The following FXR1 variants were observed in gnomAD, a reference collection of about 807,000 sequenced individuals.
FXR1 encodes the protein RNA-binding protein FXR1.
Under a neutral mutation model 84.0 loss-of-function variants are expected in FXR1, and 15 were observed. The observed-to-expected ratio is 0.18, with a 90% CI of 0.12 to 0.27. The LOEUF is 0.27. Ranked by LOEUF, FXR1 falls within the 10% of genes least tolerant of loss-of-function variation. The pLI is 1.00. For missense variants in FXR1, 480 were observed against 774.4 expected, an observed-to-expected ratio of 0.62 and a Z score of 4.51; for synonymous variants, 245 against 250.7, an observed-to-expected ratio of 0.98 and a Z score of 0.21.
chr3:180,975,651 C>CCT (rs1714147434), intron 16 of FXR1, among the ~76,000 whole-genome samples: 1 of 152,128 alleles, frequency 6.6e-6, no homozygotes, highest in Non-Finnish European at 1.5e-5. Context: ...AGATACTGGG[C>CCT]ATAGAGACTA....
intron 9 of FXR1, among the ~76,000 whole-genome samples, chr3:180,954,974 T>C (rs1383637643): frequency 6.6e-6 from 1 of 150,596 alleles, no homozygotes; most frequent in African/African-American, 2.4e-5. Flanking sequence ...TGTTAGTATT[T>C]ATGTAAAAAT....
chr3:180,918,602 T>A (rs1718179175), intron 1 of FXR1, among the ~76,000 whole-genome samples: 1 of 152,254 alleles, frequency 6.6e-6, no homozygotes, highest in Non-Finnish European at 1.5e-5. Flanking sequence ...CAATATGCAT[T>A]CATTCCATGA....
chr3:180,926,237 T>G (rs145628805), intron 1 of FXR1, among the ~76,000 whole-genome samples: 2 of 152,206 alleles, frequency 1.3e-5, no homozygotes, highest in Non-Finnish European at 2.9e-5. Context: ...AACAGTAGTC[T>G]TAAAGCTGGA....
At chr3:180,961,360 AAAAAAAAGGT>A in intron 10 of FXR1, 98 bp from the exon 11 acceptor site, 1 of 423,214 alleles carries the variant, frequency 2.4e-6, no homozygotes, top group Non-Finnish European at 4.0e-6. Context: ...AAAAAAAAAA[AAAAAAAAGGT>A]GTGTGTGTGT....
chr3:180,954,334 TAAG>T (rs1358915454), intron 9 of FXR1, among the ~76,000 whole-genome samples: 4 of 152,150 alleles, frequency 2.6e-5, no homozygotes, highest in Admixed American at 6.5e-5. Context: ...CATAGAATAA[TAAG>T]AAGTTGTGGG....
intron 1 of FXR1, among the ~76,000 whole-genome samples, chr3:180,928,148 A>G (rs1719450353): frequency 6.7e-6 from 1 of 149,460 alleles, no homozygotes; most frequent in South Asian, 2.1e-4. Flanking sequence ...TCTGATGAAG[A>G]CATCCATTTC....
chr3:180,942,143 C>T (rs1721190644), intron 3 of FXR1, among the ~76,000 whole-genome samples: 1 of 151,812 alleles, frequency 6.6e-6, no homozygotes, highest in Non-Finnish European at 1.5e-5. Context: ...CTTTGGGAGG[C>T]CGAGGCGGGC....
intron 11 of FXR1, among the ~76,000 whole-genome samples, chr3:180,962,271 TTTC>T (rs1712220431): frequency 6.6e-6 from 1 of 152,200 alleles, no homozygotes; most frequent in Non-Finnish European, 1.5e-5. Context: ...GATAATGTCA[TTTC>T]TTTTCTTTTG....
intron 8 of FXR1, among the ~76,000 whole-genome samples, chr3:180,952,828 C>CTTTTTTT (rs371547296): frequency 8.2e-6 from 1 of 121,502 alleles, no homozygotes; most frequent in Non-Finnish European, 1.8e-5. Context: ...ATTTTATTTG[C>CTTTTTTT]TTTTTTTTTT....
In FXR1 at chr3:180,950,480, T is replaced by G. The variant is rs1161869518; in HGVS notation, c.631-818T>G. On this transcript the variant is annotated intron_variant, in intron 7 of 16. Transcript: ENST00000357559. ...TGGGTTTTCGGTGGTTTTTTCTTCT[T>G]GGGTTTTTCTTTATACTGTGGTAAA... 2.0e-5 allele frequency among the ~76,000 whole-genome samples: 3 copies of G among 152,202 alleles called. No homozygotes were observed. In the East Asian group the frequency reaches 5.8e-4, roughly 29 times the overall value.
At chr3:180,921,014 A>G (rs920992567) in intron 1 of FXR1, among the ~76,000 whole-genome samples, 2 of 152,170 alleles carry the variant, frequency 1.3e-5, no homozygotes, top group Non-Finnish European at 2.9e-5. Flanking sequence ...GAACAGTTAC[A>G]TGCTCAATAC....
intron 3 of FXR1, among the ~76,000 whole-genome samples, chr3:180,940,693 C>T (rs1164273419): frequency 6.6e-6 from 1 of 151,798 alleles, no homozygotes; most frequent in African/African-American, 2.4e-5. Flanking sequence ...TCTCCTGCCT[C>T]AGCCTCCCAA....
chr3:180,957,660 C>A, intron 9 of FXR1, 159 bp from the exon 10 acceptor site: 1 of 497,514 alleles, frequency 2.0e-6, no homozygotes, highest in South Asian at 3.7e-5. Flanking sequence ...GGTGAAATTT[C>A]TTGGTAGTCT....
chr3:180,929,121 G>A (rs770795878), intron 1 of FXR1, among the ~76,000 whole-genome samples: 33 of 151,954 alleles, frequency 2.2e-4, no homozygotes, highest in Non-Finnish European at 3.8e-4. Context: ...GGGTTTCTCC[G>A]TTTTGGTCAG....
chr3:180,942,334 C>T (rs1306776387), intron 3 of FXR1, among the ~76,000 whole-genome samples: 12 of 139,194 alleles, frequency 8.6e-5, no homozygotes, highest in African/African-American at 2.2e-4. Flanking sequence ...GCTGAGATTG[C>T]GCCACTGCAC....
At position 180,978,771 on chromosome 3, in the gene FXR1, A is replaced by G. The variant is rs1714454635; in HGVS notation, c.*2479A>G. ...AACAATGTTTCAGCATATATATGTG[A>G]ATTCATATATGACACCTGAACGGAA... On this transcript the variant is annotated 3_prime_UTR_variant, in exon 17 of 17. Coordinates refer to ENST00000357559, the MANE Select transcript of FXR1 (RefSeq NM_005087.4). 1 of 152,090 alleles carries G rather than the reference A, an allele frequency of 6.6e-6. No homozygotes were observed. Among genetic ancestry groups the G allele is most frequent in the Admixed American group, 6.6e-5 (1 of 15,254 alleles). The allele number at this position is 152,090 out of a possible 1,614,324, so 9.4% of individuals were successfully genotyped here.
At chr3:180,962,741 C>A in intron 11 of FXR1, 142 bp from the exon 12 acceptor site, 1 of 635,294 alleles carries the variant, frequency 1.6e-6, no homozygotes, top group Non-Finnish European at 2.8e-6. Context: ...CTCATCAATT[C>A]TGTTGACTAG....
intron 9 of FXR1, chr3:180,954,089 A>G (rs1576969140): frequency 3.1e-6 from 1 of 326,964 alleles, no homozygotes; most frequent in East Asian, 5.5e-5. Flanking sequence ...GGTTTTTATA[A>G]GTTTGTCATT....
rs767548538 is a variant in FXR1, at chr3:180,976,322, T to C, written c.*30T>C. The C allele has an allele frequency of 2.8e-6, 4 of 1,446,622 alleles. No individual in the cohort carries two copies. The highest frequency in any genetic ancestry group is 1.4e-5 in the African/African-American group (1 of 69,982). 89.6% of individuals were successfully genotyped at this position (1,446,622 alleles called of 1,614,324 possible). On this transcript the variant is annotated 3_prime_UTR_variant, in exon 17 of 17. Coordinates refer to ENST00000357559, the MANE Select transcript of FXR1 (RefSeq NM_005087.4). The stretch of plus-strand genomic sequence containing the variant: ...AAGAAGTTCCTAGTTTACAGTTCTT[T>C]TACATTACATTTACAATAGTGCTTG...
Sources: allele counts gnomAD v4.1 joint callset (sites outside exome capture counted in the v4.1 genomes callset), GRCh38; gene constraint gnomAD v4.1.1; transcripts MANE v1.5; gene names NCBI Gene and HGNC (gene_info 2026-07-23, HGNC 2026-07-21).